Variants in ZFYVE28 observed in about 807,000 individuals in gnomAD.
The protein encoded by ZFYVE28 is zinc finger FYVE-type containing 28.
In ZFYVE28, 40 loss-of-function variants were observed where a neutral mutation model predicts 82.1. The ratio of observed to expected loss-of-function variants is 0.49; its 90% CI spans 0.38 to 0.63. ZFYVE28 has a LOEUF of 0.63. Among genes scored for constraint, ZFYVE28 ranks in the 30% least tolerant of loss-of-function variants. The pLI is 0.00. For synonymous variants in ZFYVE28, 612 were observed against 546.1 expected (o/e 1.12, Z -1.68); for missense variants, 1,321 against 1,242.1 (o/e 1.06, Z -0.96).
At chr4:2,373,992 T>C (rs4246692) in intron 1 of ZFYVE28, among the ~76,000 whole-genome samples, 101,398 of 151,806 alleles carry the variant, frequency 0.67, 34,179 homozygotes, top group East Asian at 0.8. Flanking sequence ...TGCTACCTCA[T>C]CCCAGCCAGT....
intron 2 of ZFYVE28, among the ~76,000 whole-genome samples, chr4:2,346,296 C>T (rs1475896541): frequency 1.0e-4 from 15 of 149,120 alleles, no homozygotes; most frequent in African/African-American, 3.0e-4. Flanking sequence ...GAGCCGAGAT[C>T]GCGCCACTGC....
chr4:2,279,777 C>CA (rs1166588910), intron 8 of ZFYVE28, among the ~76,000 whole-genome samples: 2,289 of 104,978 alleles, frequency 0.022, 45 homozygotes, highest in African/African-American at 0.061. Context: ...GAGACTCCTT[C>CA]AAAAAAAAAA....
intron 1 of ZFYVE28, among the ~76,000 whole-genome samples, chr4:2,383,231 T>A (rs1372214094): frequency 6.6e-6 from 1 of 152,112 alleles, no homozygotes; most frequent in African/African-American, 2.4e-5. Context: ...CCCATAATTC[T>A]CACATGTTGT....
Position 2,300,298 on chromosome 4 carries a change from G to A in ZFYVE28, c.2051+3991C>T, listed in dbSNP as rs745557248. ...CTTCCAAGGGTGACTTCGAGAGGAC[G>A]GAAGGTTCTGGATCAAAGAGGTAAG... On this transcript the variant is annotated intron_variant, in intron 8 of 12. Coordinates refer to ENST00000290974, the MANE Select transcript of ZFYVE28 (RefSeq NM_020972.3). The surrounding 1 kb of genome is among the most constrained non-coding windows in gnomAD (Gnocchi z 4.6). Among the ~76,000 whole-genome samples, 59 of 152,306 alleles carry A rather than the reference G, an allele frequency of 3.9e-4. No homozygotes were observed. In the Middle Eastern group the frequency reaches 0.01, roughly 26 times the overall value.
chr4:2,313,543 C>T (rs1434767780), intron 7 of ZFYVE28, among the ~76,000 whole-genome samples: 1 of 152,126 alleles, frequency 6.6e-6, no homozygotes, highest in Admixed American at 6.5e-5. Context: ...CAGGTATGAA[C>T]CACTGCACTC....
chr4:2,413,092 CTCTG>C (rs1385468710), intron 1 of ZFYVE28, among the ~76,000 whole-genome samples: 1 of 152,214 alleles, frequency 6.6e-6, no homozygotes, highest in Non-Finnish European at 1.5e-5. Flanking sequence ...GATGCTCGCC[CTCTG>C]TCTGCAGCCC....
intron 1 of ZFYVE28, among the ~76,000 whole-genome samples, chr4:2,400,825 G>T (rs1731095339): frequency 1.3e-5 from 2 of 152,126 alleles, no homozygotes; most frequent in African/African-American, 4.8e-5. Flanking sequence ...TTAAGGGTGG[G>T]CCTGCCTTTC....
At position 2,272,607 on chromosome 4, in the gene ZFYVE28, C is replaced by T. The variant is rs1736012927; in HGVS notation, c.2323+566G>A. Among the ~76,000 whole-genome samples, 3 of 152,226 alleles carry T rather than the reference C, an allele frequency of 2.0e-5. No homozygotes were observed. In the South Asian group the frequency reaches 6.2e-4, roughly 31 times the overall value. On this transcript the variant is annotated intron_variant, in intron 10 of 12. Coordinates refer to ENST00000290974, the MANE Select transcript of ZFYVE28 (RefSeq NM_020972.3). ...CTCTGTGTGACCATGGCTGTGAGAGCATGCCTGTGTGCTTCTGCTGTGTCA... is the reference window on the plus strand; with the variant it reads ...CTCTGTGTGACCATGGCTGTGAGAGTATGCCTGTGTGCTTCTGCTGTGTCA...
At chr4:2,312,886 G>C (rs1717686130) in intron 7 of ZFYVE28, among the ~76,000 whole-genome samples, 1 of 151,718 alleles carries the variant, frequency 6.6e-6, no homozygotes, top group African/African-American at 2.4e-5. Flanking sequence ...TTCTACTAAA[G>C]ATACAAAAAT....
In ZFYVE28 at chr4:2,284,504, T is replaced by G. The variant is rs1451453971; in HGVS notation, c.2052-10288A>C. Reference sequence around the variant, plus strand: ...TTTCACCAATGAGATGGAGAGGACCTCAGCAGCAGGAGCCCAAGATGGGCT... The same window carrying G: ...TTTCACCAATGAGATGGAGAGGACCGCAGCAGCAGGAGCCCAAGATGGGCT... On this transcript the variant is annotated intron_variant, in intron 8 of 12. Transcript: ENST00000290974. 2.6e-5 allele frequency among the ~76,000 whole-genome samples: 4 copies of G among 152,240 alleles called. No individual in the cohort carries two copies. The South Asian group carries it at 8.3e-4, about 32-fold the overall frequency.
At chr4:2,336,422 A>T (rs925988917) in intron 5 of ZFYVE28, among the ~76,000 whole-genome samples, 1 of 152,218 alleles carries the variant, frequency 6.6e-6, no homozygotes, top group African/African-American at 2.4e-5. Flanking sequence ...GATAATAGTC[A>T]ATTTCAAATC....
intron 8 of ZFYVE28, among the ~76,000 whole-genome samples, chr4:2,274,491 G>T (rs907859282): frequency 6.6e-6 from 1 of 151,996 alleles, no homozygotes; most frequent in African/African-American, 2.4e-5. Flanking sequence ...AGCTGGTGGC[G>T]ACTCACCCAC....
intron 7 of ZFYVE28, among the ~76,000 whole-genome samples, chr4:2,318,550 A>T (rs1718574046): frequency 6.6e-6 from 1 of 152,138 alleles, no homozygotes; most frequent in South Asian, 2.1e-4. Flanking sequence ...AAGTCCTCAA[A>T]CCCTGACGCT....
intron 7 of ZFYVE28, among the ~76,000 whole-genome samples, chr4:2,307,260 CTTAT>C (rs1716722290): frequency 6.6e-6 from 1 of 152,140 alleles, no homozygotes; most frequent in Non-Finnish European, 1.5e-5. Context: ...CTGCCTTTTT[CTTAT>C]TGATTGAGTT....
At position 2,273,062 on chromosome 4, in the gene ZFYVE28, G is replaced by T. The variant is rs1195692572; in HGVS notation, c.2323+111C>A. On this transcript the variant is annotated intron_variant, in intron 10 of 12. Transcript: ENST00000290974. ...CCTGGGGTCGACGATTGCTTGGTCG[G>T]GACCCTATCTCCCCAGGGCCAGAAG... The T allele has an allele frequency of 4.6e-6, 4 of 877,928 alleles. No homozygotes were observed. The East Asian group carries it at 1.0e-4, about 22-fold the overall frequency. 54.4% of individuals were successfully genotyped at this position (877,928 alleles called of 1,614,324 possible).
chr4:2,321,315 C>G (rs1249954896), intron 6 of ZFYVE28, among the ~76,000 whole-genome samples: 1 of 152,170 alleles, frequency 6.6e-6, no homozygotes, highest in East Asian at 1.9e-4. Context: ...GTCTCCTTGT[C>G]TAACACACCC....
chr4:2,348,777 C>G (rs1296985215), intron 2 of ZFYVE28, among the ~76,000 whole-genome samples: 2 of 152,202 alleles, frequency 1.3e-5, no homozygotes, highest in Non-Finnish European at 2.9e-5. Flanking sequence ...AGCAACATAT[C>G]TGATCTCTTC....
intron 8 of ZFYVE28, among the ~76,000 whole-genome samples, chr4:2,280,763 G>A (rs1457634856): frequency 1.3e-5 from 2 of 152,222 alleles, no homozygotes; most frequent in African/African-American, 2.4e-5. Flanking sequence ...TGCCTGTGGC[G>A]AGGAACTTGT....
chr4:2,297,739 G>A (rs148330145), intron 8 of ZFYVE28, among the ~76,000 whole-genome samples: 113 of 152,160 alleles, frequency 7.4e-4, no homozygotes, highest in African/African-American at 2.6e-3. Flanking sequence ...GGCAGAGGAC[G>A]AGCAGTGACA....
Sources: gnomAD v4.1 joint callset for allele counts (sites outside exome capture counted in the v4.1 genomes callset) on GRCh38, gnomAD v4.1.1 for gene constraint, Gnocchi (gnomAD v3.1) non-coding constraint, MANE v1.5 for transcripts, NCBI Gene and HGNC (gene_info 2026-07-23, HGNC 2026-07-21) for gene names.